Variants in RAP1GAP observed in about 807,000 individuals in gnomAD.
RAP1GAP encodes the protein rap1 GTPase-activating protein 1.
RAP1GAP carries 35 observed loss-of-function variants against 87.2 expected under a neutral mutation model. That is an observed-to-expected ratio of 0.40 (90% confidence interval 0.31 to 0.53). RAP1GAP has a LOEUF of 0.53. Ranked by LOEUF, RAP1GAP falls within the 20% of genes least tolerant of loss-of-function variation. The probability of loss-of-function intolerance (pLI) is 0.48; values close to 1 mark genes in which losing one functional copy is unlikely to be tolerated. For synonymous variants in RAP1GAP, 375 were observed against 363.9 expected (o/e 1.03, Z -0.35); for missense variants, 734 against 898.9 (o/e 0.82, Z 2.35).
At chr1:21,641,481 C>T (rs942561114) in intron 2 of RAP1GAP, among the ~76,000 whole-genome samples, 9 of 152,350 alleles carry the variant, frequency 5.9e-5, no homozygotes, top group South Asian at 2.1e-4. Context: ...CCACCCCATC[C>T]GTACTACACA....
At position 21,668,043 on chromosome 1, in the gene RAP1GAP, C is replaced by T. The variant is rs992602416; in HGVS notation, c.-149+1211G>A. 6.6e-6 allele frequency among the ~76,000 whole-genome samples: 1 copy of T among 152,196 alleles called. No homozygotes were observed. Among genetic ancestry groups the T allele is most frequent in the Non-Finnish European group, 1.5e-5 (1 of 68,036 alleles). ...AGCCACAGCCCTCAGGGCCCTGTGC[C>T]AGTCCAGAAGCCCATTCAGGGACAC... On this transcript the variant is annotated intron_variant, in intron 1 of 24. Coordinates refer to ENST00000374765, the MANE Select transcript of RAP1GAP (RefSeq NM_002885.4). The surrounding 1 kb of genome is among the most constrained non-coding windows in gnomAD (Gnocchi z 6.2).
At chr1:21,618,313 G>A (rs539860767) in intron 5 of RAP1GAP, among the ~76,000 whole-genome samples, 19 of 152,260 alleles carry the variant, frequency 1.2e-4, no homozygotes, top group Non-Finnish European at 2.8e-4. Context: ...TGGCACCGAC[G>A]CTGCTGGTGT....
At chr1:21,631,044 G>A (rs560436939) in intron 2 of RAP1GAP, among the ~76,000 whole-genome samples, 3 of 151,786 alleles carry the variant, frequency 2.0e-5, no homozygotes, top group South Asian at 2.1e-4. Flanking sequence ...CAATGTGGTC[G>A]TTTCCTCCCA....
chr1:21,601,802 G>T lies in RAP1GAP; in HGVS notation c.1539-5C>A, dbSNP rs565300852. 3 of 1,579,508 alleles carry T rather than the reference G, an allele frequency of 1.9e-6. No individual in the cohort carries two copies. The East Asian group carries it at 6.7e-5, about 35-fold the overall frequency. On this transcript the variant is annotated splice_region_variant and splice_polypyrimidine_tract_variant and intron_variant, in intron 19 of 24. Transcript: ENST00000374765. Reference sequence around the variant, plus strand: ...TGACCAGCCGGAGGGCTCTCCCTGCGGGGCACACGGGGGCAGCGGGGGGAT... The same window carrying T: ...TGACCAGCCGGAGGGCTCTCCCTGCTGGGCACACGGGGGCAGCGGGGGGAT...
At chr1:21,621,280 C>T (rs905982007) in intron 3 of RAP1GAP, among the ~76,000 whole-genome samples, 20 of 152,184 alleles carry the variant, frequency 1.3e-4, no homozygotes, top group Non-Finnish European at 2.9e-5. Flanking sequence ...CAGCCCCACT[C>T]ATGGCTACAA....
rs1558925457 is a variant in RAP1GAP at position 21,660,347 on chromosome 1, A to ATATATATATATATATATATATATATG, written c.-149+8906_-149+8907insCATATATATATATATATATATATATA. Among the ~76,000 whole-genome samples, 28 of 112,130 alleles carry ATATATATATATATATATATATATATG rather than the reference A, an allele frequency of 2.5e-4. 5 individuals are homozygous for ATATATATATATATATATATATATATG. The highest frequency in any genetic ancestry group is 4.3e-4 in the Non-Finnish European group (23 of 53,174). The allele number at this position is 112,130 out of a possible 152,430, so 73.6% of individuals were successfully genotyped here. ...AGTGGGTTCCAACTCAGCTATATAT[A>ATATATATATATATATATATATATATG]TTTATTGAGACAGTCTCGCTCTGTC... On this transcript the variant is annotated intron_variant, in intron 1 of 24. Transcript: ENST00000374765.
intron 2 of RAP1GAP, among the ~76,000 whole-genome samples, chr1:21,645,128 C>G (rs986091615): frequency 1.3e-5 from 2 of 152,132 alleles, no homozygotes; most frequent in African/African-American, 4.8e-5. Context: ...TAAAACCATG[C>G]CTGGCCTACA....
intron 17 of RAP1GAP, among the ~76,000 whole-genome samples, chr1:21,607,268 AT>A (rs1450996129): frequency 6.6e-6 from 1 of 152,118 alleles, no homozygotes; most frequent in Non-Finnish European, 1.5e-5. Flanking sequence ...TTCAGACAAC[AT>A]TTGCTGAGGC....
chr1:21,604,786 TG>T, intron 18 of RAP1GAP, among the ~76,000 whole-genome samples: 1 of 151,134 alleles, frequency 6.6e-6, no homozygotes, highest in Non-Finnish European at 1.5e-5. Context: ...GATGGATGGA[TG>T]GATGGATGGA....
chr1:21,622,744 GC>G lies in RAP1GAP; in HGVS notation c.-18-2695del, dbSNP rs2089545871. Among the ~76,000 whole-genome samples, 2 of 151,764 alleles carry G rather than the reference GC, an allele frequency of 1.3e-5. No individual in the cohort carries two copies. The highest frequency in any genetic ancestry group is 1.3e-4 in the Admixed American group (2 of 15,256). ...TGGGTGCGTCGGGCTCCCCGAGGGG[GC>G]CCCCCACTCGGTTCTCCCCAGCGCG... On this transcript the variant is annotated intron_variant, in intron 3 of 24. Transcript: ENST00000374765. This position sits in a 1 kb window ranked among gnomAD's most constrained non-coding sequence, Gnocchi z 5.7.
intron 3 of RAP1GAP, among the ~76,000 whole-genome samples, chr1:21,623,979 G>C (rs1451265271): frequency 6.6e-6 from 1 of 152,246 alleles, no homozygotes; most frequent in Non-Finnish European, 1.5e-5. Context: ...CTGTCTTTCT[G>C]TGTGTATGGG....
intron 4 of RAP1GAP, among the ~76,000 whole-genome samples, chr1:21,619,807 C>T (rs2085478010): frequency 6.6e-6 from 1 of 152,018 alleles, no homozygotes. Flanking sequence ...GAGCTGGGAG[C>T]CTAGATGGAC....
intron 2 of RAP1GAP, among the ~76,000 whole-genome samples, chr1:21,638,023 T>A (rs1461066272): frequency 7.0e-6 from 1 of 143,006 alleles, no homozygotes; most frequent in Non-Finnish European, 1.5e-5. Flanking sequence ...TGGTGGTGCA[T>A]GCCTGTAGTC....
chr1:21,666,109 G>A (rs2097337736), intron 1 of RAP1GAP, among the ~76,000 whole-genome samples: 1 of 152,198 alleles, frequency 6.6e-6, no homozygotes, highest in Non-Finnish European at 1.5e-5. Flanking sequence ...GAGGGAGCAT[G>A]GTGGAGCTGG....
intron 19 of RAP1GAP, 28 bp from the exon 20 acceptor site, chr1:21,601,825 G>C: frequency 6.6e-7 from 1 of 1,511,338 alleles, no homozygotes. Context: ...GCAGCGGGGG[G>C]ATTCAGCACC....
intron 2 of RAP1GAP, among the ~76,000 whole-genome samples, chr1:21,629,255 G>A (rs962807110): frequency 5.9e-5 from 9 of 152,170 alleles, no homozygotes; most frequent in Non-Finnish European, 1.2e-4. Context: ...GGGTGCGGCC[G>A]TGGCTGCCCA....
rs528798434 is a variant in RAP1GAP, at chr1:21,598,243, G to A, written c.1879+157C>T. ...AGAAACCAGCCCTCCAATCCACCCA[G>A]CCACCCTAGGCTGGACAATGACCTG... On this transcript the variant is annotated intron_variant, in intron 22 of 24. Transcript: ENST00000374765. The A allele has an allele frequency of 8.2e-4, 647 of 784,660 alleles. 2 individuals are homozygous for A. The highest frequency in any genetic ancestry group is 7.4e-4 in the Non-Finnish European group (367 of 493,918). 48.6% of individuals were successfully genotyped at this position (784,660 alleles called of 1,614,324 possible). A position where few individuals can be genotyped will look rare whatever the true frequency, so the allele number is the denominator to read the frequency against.
rs922660870 is a variant in RAP1GAP at position 21,610,167 on chromosome 1, C to T, written c.952G>A (p.Val318Ile). 9.9e-6 allele frequency: 16 copies of T among 1,614,038 alleles called. No homozygotes were observed. Among genetic ancestry groups the T allele is most frequent in the Admixed American group, 3.3e-5 (2 of 60,004 alleles). The change falls in exon 14 of 25, where the codon GTC (valine) becomes ATC (isoleucine). Residue 318 changes from valine to isoleucine, a missense_variant. Physicochemically the swap from Val to Ile is conservative, Grantham distance 29. Coordinates refer to ENST00000374765, the MANE Select transcript of RAP1GAP (RefSeq NM_002885.4). ...CCCCCGCCCTCAGCCTGCACCACGA[C>T]GTAGGCATGCAGGAAGTTGGACGCG... is the stretch of plus-strand genomic sequence containing the variant. ...MIASNFLHAY[V>I]VVQAEGGGPD...
chr1:21,659,940 C>T (rs1322428490), intron 1 of RAP1GAP, among the ~76,000 whole-genome samples: 1 of 152,174 alleles, frequency 6.6e-6, no homozygotes, highest in Non-Finnish European at 1.5e-5. Context: ...GATATGGCTA[C>T]AAAACCTCTC....
Sources: gnomAD v4.1 joint callset for allele counts (sites outside exome capture counted in the v4.1 genomes callset) on GRCh38, gnomAD v4.1.1 for gene constraint, Gnocchi (gnomAD v3.1) non-coding constraint, MANE v1.5 for transcripts, NCBI Gene and HGNC (gene_info 2026-07-23, HGNC 2026-07-21) for gene names.